Variants in KCNG4 observed in about 807,000 individuals in gnomAD.
The protein encoded by KCNG4 is voltage-gated potassium channel regulatory subunit KCNG4.
In KCNG4, 30 loss-of-function variants were observed where a neutral mutation model predicts 28.2. The observed-to-expected ratio is 1.06, with a 90% CI of 0.80 to 1.44. KCNG4 has a LOEUF of 1.44. Ranked by LOEUF, KCNG4 falls within the 40% of genes most tolerant of loss-of-function variation. The probability of loss-of-function intolerance (pLI) is 0.00; values close to 1 mark genes in which losing one functional copy is unlikely to be tolerated. For missense variants in KCNG4, 879 were observed against 712.3 expected (o/e 1.23, Z -2.66); for synonymous variants, 375 against 315.5 (o/e 1.19, Z -2.00).
rs557861128 is a variant in KCNG4, at chr16:84,222,970, G to A, written c.807C>T (p.Cys269=). 45 of 1,557,110 alleles carry A rather than the reference G, an allele frequency of 2.9e-5. No homozygotes were observed. The South Asian group carries it at 2.9e-4, about 10-fold the overall frequency. ...CYYIFIVETI[C]VAWFSLEFCL... is the part of the protein sequence containing the mutation. ...AGAACTCCAGGGAGAACCAGGCCAC[G>A]CAGATGGTCTCCACGATGAAAATAT... The change falls in exon 3 of 3, where the codon TGC becomes TGT. Residue 269 remains cysteine (C), a synonymous_variant. Coordinates refer to ENST00000308251, the MANE Select transcript of KCNG4 (RefSeq NM_172347.3).
At chr16:84,233,375 C>G (rs1247969369) in intron 2 of KCNG4, among the ~76,000 whole-genome samples, 2 of 152,148 alleles carry the variant, frequency 1.3e-5, no homozygotes, top group African/African-American at 2.4e-5. Context: ...GGCCCTGAGG[C>G]TGAGGTTCTA....
Position 84,221,873 on chromosome 16 carries a change from C to T in KCNG4, c.*344G>A. The T allele has an allele frequency of 3.6e-6, 1 of 278,442 alleles. No individual in the cohort carries two copies. The highest frequency in any genetic ancestry group is 5.4e-5 in the South Asian group (1 of 18,368). 17.2% of individuals were successfully genotyped at this position (278,442 alleles called of 1,614,324 possible). On this transcript the variant is annotated 3_prime_UTR_variant, in exon 3 of 3. Transcript: ENST00000308251. ...TCAGTATGCAAATACCAATGGTTACCAGTTCTATGGGCATCCAGAACCCAG... is the reference window on the plus strand; with the variant it reads ...TCAGTATGCAAATACCAATGGTTACTAGTTCTATGGGCATCCAGAACCCAG...
At chr16:84,224,169 C>A (rs1408754544) in intron 2 of KCNG4, among the ~76,000 whole-genome samples, 2 of 152,134 alleles carry the variant, frequency 1.3e-5, no homozygotes, top group African/African-American at 4.8e-5. Context: ...ACAAGGTCTC[C>A]AGGTGACTCA....
At chr16:84,230,391 A>G (rs1597618877) in intron 2 of KCNG4, among the ~76,000 whole-genome samples, 1 of 93,832 alleles carries the variant, frequency 1.1e-5, no homozygotes, top group East Asian at 3.3e-4. Context: ...GGTGACAGTG[A>G]GACTTCATCT....
At chr16:84,234,609 C>G (rs1195966409) in intron 2 of KCNG4, among the ~76,000 whole-genome samples, 2 of 152,224 alleles carry the variant, frequency 1.3e-5, no homozygotes, top group Non-Finnish European at 2.9e-5. Context: ...GTTTCTGTTT[C>G]TGATGGAAGA....
chr16:84,234,420 C>T (rs1268212734), intron 2 of KCNG4, among the ~76,000 whole-genome samples: 1 of 152,066 alleles, frequency 6.6e-6, no homozygotes, highest in Non-Finnish European at 1.5e-5. Flanking sequence ...CTCAGGAGAT[C>T]CACCCACCTC....
intron 2 of KCNG4, among the ~76,000 whole-genome samples, chr16:84,234,808 T>C (rs1407622788): frequency 2.0e-5 from 3 of 152,262 alleles, no homozygotes; most frequent in East Asian, 1.9e-4. Context: ...ACAAAGCACG[T>C]GTGTCCAGGA....
In KCNG4 at chr16:84,234,033, C is replaced by T. The variant is rs185225307; in HGVS notation, c.756+2697G>A. Among the ~76,000 whole-genome samples, 41 of 152,264 alleles carry T rather than the reference C, an allele frequency of 2.7e-4. 1 individual carries two copies. The East Asian group carries it at 2.9e-3, about 11-fold the overall frequency. On this transcript the variant is annotated intron_variant, in intron 2 of 2. Coordinates refer to ENST00000308251, the MANE Select transcript of KCNG4 (RefSeq NM_172347.3). ...CGGTGTGAAATGCCAGCCTCACGAG[C>T]GGCACTTAGGAGGCATCGGTTCTTT...
chr16:84,228,316 C>T (rs1904742713), intron 2 of KCNG4, among the ~76,000 whole-genome samples: 1 of 152,222 alleles, frequency 6.6e-6, no homozygotes, highest in African/African-American at 2.4e-5. Flanking sequence ...TTCTGCAGCT[C>T]CTTAGTCAGG....
At chr16:84,232,248 A>G (rs1904844883) in intron 2 of KCNG4, among the ~76,000 whole-genome samples, 1 of 152,226 alleles carries the variant, frequency 6.6e-6, no homozygotes, top group Admixed American at 6.5e-5. Flanking sequence ...GTATTCGGCC[A>G]TGAAGAGGAA....
At chr16:84,230,441 G>A (rs940687267) in intron 2 of KCNG4, among the ~76,000 whole-genome samples, 1 of 148,986 alleles carries the variant, frequency 6.7e-6, no homozygotes, top group Non-Finnish European at 1.5e-5. Context: ...GCATGGTGGT[G>A]GGCGCCTGTA....
In KCNG4 at chr16:84,222,538, G is replaced by T. The variant is rs897664118; in HGVS notation, c.1239C>A (p.Ile413=). The change falls in exon 3 of 3, where the codon ATC becomes ATA. Residue 413 remains isoleucine, a synonymous_variant. Transcript: ENST00000308251. ...TSIPASYWWA[I]ISMTTVGYGD... The stretch of plus-strand genomic sequence containing the variant: ...CGTAGCCCACCGTTGTCATGGAGAT[G>T]ATGGCCCACCAATAGGAGGCGGGGA... 4.3e-5 allele frequency: 70 copies of T among 1,613,538 alleles called. No individual in the cohort carries two copies. The highest frequency in any genetic ancestry group is 5.8e-5 in the Non-Finnish European group (68 of 1,179,994).
intron 2 of KCNG4, among the ~76,000 whole-genome samples, chr16:84,233,323 A>C (rs1321099015): frequency 6.6e-6 from 1 of 152,188 alleles, no homozygotes; most frequent in East Asian, 1.9e-4. Flanking sequence ...TGCTGGCCTG[A>C]GAGCTGTTTT....
chr16:84,236,287 G>A, intron 2 of KCNG4: 1 of 207,624 alleles, frequency 4.8e-6, no homozygotes, highest in East Asian at 1.2e-4. Context: ...CTAGGGCTTA[G>A]CACAGAGTGG....
In KCNG4 at chr16:84,237,136, G is replaced by T; in HGVS notation, c.350C>A (p.Pro117His). ...GCTCACGATCACCCCGAAGGCGCTG[G>T]GGCTCCTGTCGAAGAAGAACTCCTG... Reference protein sequence around the residue: ...DSQEFFFDRSPSAFGVIVSFL... With the variant: ...DSQEFFFDRSHSAFGVIVSFL... The change falls in exon 2 of 3, where the codon CCC (proline) becomes CAC (histidine). Residue 117 changes from proline (P) to histidine (H), a missense_variant. Physicochemically the swap from Pro to His is moderately conservative, Grantham distance 77. Coordinates refer to ENST00000308251, the MANE Select transcript of KCNG4 (RefSeq NM_172347.3). 6.2e-7 allele frequency: 1 copy of T among 1,614,128 alleles called. No individual in the cohort carries two copies.
chr16:84,238,890 A>T (rs1423107472), intron 1 of KCNG4, among the ~76,000 whole-genome samples: 2 of 152,088 alleles, frequency 1.3e-5, no homozygotes. Flanking sequence ...ACAAAAAAAA[A>T]TGACGGGGCC....
intron 2 of KCNG4, among the ~76,000 whole-genome samples, chr16:84,233,097 C>G (rs1407090937): frequency 6.6e-6 from 1 of 151,476 alleles, no homozygotes; most frequent in Non-Finnish European, 1.5e-5. Flanking sequence ...GAATGATGAT[C>G]AGTATGACGG....
intron 2 of KCNG4, among the ~76,000 whole-genome samples, chr16:84,233,305 C>T (rs577945004): frequency 1.6e-4 from 24 of 152,298 alleles, no homozygotes; most frequent in African/African-American, 5.5e-4. Flanking sequence ...CTGGCCTTCG[C>T]ACCATCATGC....
intron 2 of KCNG4, chr16:84,236,256 A>C: frequency 6.0e-6 from 1 of 167,154 alleles, no homozygotes; most frequent in Admixed American, 6.4e-5. Context: ...GAAGGCAGGG[A>C]TTTTATGTTT....
Sources: allele counts gnomAD v4.1 joint callset (sites outside exome capture counted in the v4.1 genomes callset), GRCh38; gene constraint gnomAD v4.1.1; transcripts MANE v1.5; gene names NCBI Gene and HGNC (gene_info 2026-07-23, HGNC 2026-07-21).